The following NUDT12 variants were observed in gnomAD, a reference collection of about 807,000 sequenced individuals.
The protein encoded by NUDT12 is nudix hydrolase 12.
NUDT12 carries 42 observed loss-of-function variants against 45.7 expected under a neutral mutation model. That is an observed-to-expected ratio of 0.92 (90% CI 0.72 to 1.19). The LOEUF is 1.19. Ranked by LOEUF, NUDT12 falls within the 50% of genes most tolerant of loss-of-function variation. The probability of loss-of-function intolerance (pLI) is 0.00; values close to 1 mark genes in which losing one functional copy is unlikely to be tolerated. For missense variants in NUDT12, 590 were observed against 533.1 expected, an observed-to-expected ratio of 1.11 and a Z score of -1.05; for synonymous variants, 206 against 179.7, an observed-to-expected ratio of 1.15 and a Z score of -1.17.
Position 103,554,861 on chromosome 5 carries a change from A to T in NUDT12, c.965-8T>A. On this transcript the variant is annotated splice_region_variant and splice_polypyrimidine_tract_variant and intron_variant, in intron 4 of 6. Transcript: ENST00000230792. ...GCATGATTACTACTGGATCTGTTGA[A>T]AAAAAAAATCAGATACATGAATGGC... The T allele has an allele frequency of 7.8e-7, 1 of 1,277,760 alleles. No individual in the cohort carries two copies. 79.2% of individuals were successfully genotyped at this position (1,277,760 alleles called of 1,614,324 possible).
rs753009573 is a variant in NUDT12, at chr5:103,550,881, T to G, written c.1369A>C (p.Arg457=). 6.2e-7 allele frequency: 1 copy of G among 1,609,466 alleles called. No homozygotes were observed. The highest frequency in any genetic ancestry group is 1.1e-5 in the South Asian group (1 of 90,970). The change falls in exon 7 of 7, where the codon AGA becomes CGA. Residue 457 remains arginine, a synonymous_variant. Coordinates refer to ENST00000230792, the MANE Select transcript of NUDT12 (RefSeq NM_031438.4). ...IAHQLIKHWI[R]INPNL ...TAGATTTAGAGATTAGGATTTATTCTAATCCAGTGTTTGATTAATTGATGT... is the reference window on the plus strand; with the variant it reads ...TAGATTTAGAGATTAGGATTTATTCGAATCCAGTGTTTGATTAATTGATGT...
chr5:103,553,655 C>A (rs746725911), intron 5 of NUDT12, among the ~76,000 whole-genome samples: 2 of 151,942 alleles, frequency 1.3e-5, no homozygotes, highest in Admixed American at 6.6e-5. Context: ...CAAATGTGCA[C>A]AAGGAGAAGT....
chr5:103,558,782 T>A, intron 3 of NUDT12, 97 bp downstream of exon 3: 1 of 770,016 alleles, frequency 1.3e-6, no homozygotes, highest in Non-Finnish European at 2.1e-6. Flanking sequence ...CACTGCTTAC[T>A]GGAAAAAGAG....
rs748557922 is a variant in NUDT12, at chr5:103,559,326, A to G, written c.349T>C (p.Cys117Arg). The change falls in exon 3 of 7, where the codon TGT becomes CGT. Residue 117 changes from cysteine to arginine, a missense_variant. Coordinates refer to ENST00000230792, the MANE Select transcript of NUDT12 (RefSeq NM_031438.4). ...PWFLTNEVEECENYFSKTLLD... is the reference protein window; with the variant it reads ...PWFLTNEVEERENYFSKTLLD... ...AGTGTTTTGCTAAAATAATTTTCAC[A>G]TTCTTCCACTTCATTCGTTAGGAAC... 8.1e-6 allele frequency: 13 copies of G among 1,613,090 alleles called. No homozygotes were observed. Among genetic ancestry groups the G allele is most frequent in the African/African-American group, 1.3e-5 (1 of 74,888 alleles).
intron 3 of NUDT12, among the ~76,000 whole-genome samples, chr5:103,557,866 G>T (rs1271000915): frequency 6.6e-6 from 1 of 151,664 alleles, no homozygotes. Context: ...TGGGATTTAA[G>T]TATCTGTGTG....
At position 103,552,281 on chromosome 5, in the gene NUDT12, A is replaced by G; in HGVS notation, c.1214T>C (p.Val405Ala). 1 of 1,613,968 alleles carries G rather than the reference A, an allele frequency of 6.2e-7. No individual in the cohort carries two copies. The highest frequency in any genetic ancestry group is 1.1e-5 in the South Asian group (1 of 91,082). The stretch of plus-strand genomic sequence containing the variant: ...CTTGTCAACTTTAATTTCTGTAGAC[A>G]CTGCTAGAGCTAAGCAACCAATCAT... ...SLMIGCLALA[V>A]STEIKVDKNE... The change falls in exon 6 of 7, where the codon GTG becomes GCG. Residue 405 changes from valine (V) to alanine (A), a missense_variant. Physicochemically the swap from Val to Ala is moderately conservative, Grantham distance 64. Transcript: ENST00000230792.
intron 2 of NUDT12, 108 bp downstream of exon 2, chr5:103,559,935 T>C (rs1245503904): frequency 4.3e-6 from 3 of 699,570 alleles, no homozygotes; most frequent in Non-Finnish European, 7.4e-6. Context: ...ATGAGTTATT[T>C]AGTAGTTCAA....
intron 3 of NUDT12, among the ~76,000 whole-genome samples, chr5:103,556,821 C>G (rs969347517): frequency 2.0e-5 from 3 of 151,964 alleles, no homozygotes; most frequent in Non-Finnish European, 4.4e-5. Context: ...GACAAAGTTA[C>G]CCTCCCTAAA....
intron 6 of NUDT12, 127 bp downstream of exon 6, chr5:103,552,090 A>G: frequency 3.0e-6 from 2 of 670,376 alleles, no homozygotes; most frequent in Non-Finnish European, 5.3e-6. Context: ...ATTACCATGT[A>G]ATCCATGCAT....
Position 103,550,783 on chromosome 5 carries a change from T to C in NUDT12, c.*78A>G, listed in dbSNP as rs1748628285. 2.0e-6 allele frequency: 2 copies of C among 1,008,474 alleles called. No homozygotes were observed. Among genetic ancestry groups the C allele is most frequent in the East Asian group, 4.9e-5 (2 of 41,020 alleles). The allele number at this position is 1,008,474 out of a possible 1,614,324, so 62.5% of individuals were successfully genotyped here. ...TGTGTTGTGACACTCTCAAGAGTAC[T>C]GAATAATCTCTAATATCACTTGAGG... On this transcript the variant is annotated 3_prime_UTR_variant, in exon 7 of 7. Coordinates refer to ENST00000230792, the MANE Select transcript of NUDT12 (RefSeq NM_031438.4).
intron 6 of NUDT12, 111 bp downstream of exon 6, chr5:103,552,106 G>C (rs1446891282): frequency 3.9e-6 from 3 of 765,778 alleles, no homozygotes; most frequent in Non-Finnish European, 6.7e-6. Flanking sequence ...TGCATAATGA[G>C]AGGGCCAAAG....
rs1477885793 is a variant in NUDT12 at position 103,559,158 on chromosome 5, C to T, written c.517G>A (p.Glu173Lys). ...TAGTTCAGCTGACAAAGCCTAACTT[C>T]TGGCTGTTGGAAACTTTCTTTATTG... ...GGNKESFQQP[E>K]VRLCQLNYTD... The change falls in exon 3 of 7, where the codon GAA becomes AAA. Residue 173 changes from glutamate (E) to lysine (K), a missense_variant. Coordinates refer to ENST00000230792, the MANE Select transcript of NUDT12 (RefSeq NM_031438.4). 6.4e-7 allele frequency: 1 copy of T among 1,563,370 alleles called. No individual in the cohort carries two copies. Among genetic ancestry groups the T allele is most frequent in the Non-Finnish European group, 8.6e-7 (1 of 1,158,260 alleles).
intron 2 of NUDT12, chr5:103,559,706 A>C (rs747624227): frequency 7.8e-5 from 34 of 435,032 alleles, no homozygotes; most frequent in Non-Finnish European, 1.3e-4. Flanking sequence ...TACTCACAAA[A>C]TAAAACAGTA....
rs1453054159 is a variant in NUDT12 at position 103,559,017 on chromosome 5, C to A, written c.658G>T (p.Glu220Ter). ...LNYAGEVPRE[E>*]EDGLVAWFAL... The stretch of plus-strand genomic sequence containing the variant: ...AACCAGGCAACCAATCCATCTTCCT[C>A]CTCTCTCGGGACTTCACCAGCATAA... Residue 220 changes from glutamate to a stop codon, truncating the protein, a stop_gained, in exon 3 of 7, where the codon GAG becomes TAG. Coordinates refer to ENST00000230792, the MANE Select transcript of NUDT12 (RefSeq NM_031438.4). LOFTEE classifies it high-confidence loss of function. 1 of 1,613,698 alleles carries A rather than the reference C, an allele frequency of 6.2e-7. No homozygotes were observed. The highest frequency in any genetic ancestry group is 2.2e-5 in the East Asian group (1 of 44,878).
chr5:103,554,248 CTT>C (rs1046316140), intron 5 of NUDT12, among the ~76,000 whole-genome samples: 3 of 151,976 alleles, frequency 2.0e-5, no homozygotes, highest in African/African-American at 7.2e-5. Flanking sequence ...GCTTATGAAA[CTT>C]ATATTCTTGA....
rs780626931 is a variant in NUDT12 at position 103,550,819 on chromosome 5, A to G, written c.*42T>C. On this transcript the variant is annotated 3_prime_UTR_variant, in exon 7 of 7. Coordinates refer to ENST00000230792, the MANE Select transcript of NUDT12 (RefSeq NM_031438.4). ...TAATATCACTTGAGGAATGAGTGTT[A>G]TTAGAAATTATTAAATAATACTCAA... 1.5e-6 allele frequency: 2 copies of G among 1,347,668 alleles called. No homozygotes were observed. Among genetic ancestry groups the G allele is most frequent in the East Asian group, 4.6e-5 (2 of 43,568 alleles). 83.5% of individuals were successfully genotyped at this position (1,347,668 alleles called of 1,614,324 possible). A position where few individuals can be genotyped will look rare whatever the true frequency, so the allele number is the denominator to read the frequency against.
chr5:103,555,943 A>G lies in NUDT12; in HGVS notation c.952T>C (p.Tyr318His). The G allele has an allele frequency of 6.3e-7, 1 of 1,583,514 alleles. No homozygotes were observed. Among genetic ancestry groups the G allele is most frequent in the East Asian group, 2.3e-5 (1 of 43,986 alleles). The change falls in exon 4 of 7, where the codon TAC becomes CAC. Residue 318 changes from tyrosine to histidine, a missense_variant. Coordinates refer to ENST00000230792, the MANE Select transcript of NUDT12 (RefSeq NM_031438.4). ...ATAAAGGGCTTACCAACTCTTGGGTATGAGGTATTATGGACGCCATTGAGA... is the reference window on the plus strand; with the variant it reads ...ATAAAGGGCTTACCAACTCTTGGGTGTGAGGTATTATGGACGCCATTGAGA... Reference protein sequence around the residue: ...PSLNGVHNTSYPRVDPVVIMQ... With the variant: ...PSLNGVHNTSHPRVDPVVIMQ...
chr5:103,559,923 C>T (rs1748977099), intron 2 of NUDT12, 120 bp downstream of exon 2: 2 of 619,534 alleles, frequency 3.2e-6, no homozygotes, highest in Non-Finnish European at 2.8e-6. Context: ...ATAAATTAGC[C>T]AATGAGTTAT....
chr5:103,556,452 A>G (rs939697781), intron 3 of NUDT12, among the ~76,000 whole-genome samples: 12 of 152,074 alleles, frequency 7.9e-5, no homozygotes, highest in African/African-American at 2.4e-4. Flanking sequence ...TAGTGATTTT[A>G]ATAAAAATAT....
Sources: allele counts gnomAD v4.1 joint callset (sites outside exome capture counted in the v4.1 genomes callset), GRCh38; gene constraint gnomAD v4.1.1; transcripts MANE v1.5; gene names NCBI Gene and HGNC (gene_info 2026-07-23, HGNC 2026-07-21).